ST8SIA4: variants seen among roughly 807,000 people sequenced by gnomAD.
ST8SIA4 encodes the protein ST8 alpha-N-acetyl-neuraminide alpha-2,8-sialyltransferase 4.
Under a neutral mutation model 33.9 loss-of-function variants are expected in ST8SIA4, and 15 were observed. The observed-to-expected ratio is 0.44, with a 90% CI of 0.30 to 0.68. The LOEUF is 0.68. Ranked by LOEUF, ST8SIA4 falls within the 30% of genes least tolerant of loss-of-function variation. The pLI, the probability that ST8SIA4 is intolerant of heterozygous loss-of-function variation, is 0.10. For missense variants in ST8SIA4, 321 were observed against 428.0 expected, an observed-to-expected ratio of 0.75 and a Z score of 2.21; for synonymous variants, 171 against 151.2, an observed-to-expected ratio of 1.13 and a Z score of -0.96.
rs965116324 is a variant in ST8SIA4 at position 100,810,804 on chromosome 5, A to G, written c.*1043T>C. 1 of 152,498 alleles carries G rather than the reference A, an allele frequency of 6.6e-6. No homozygotes were observed. Among genetic ancestry groups the G allele is most frequent in the Non-Finnish European group, 1.5e-5 (1 of 68,028 alleles). The allele number at this position is 152,498 out of a possible 1,614,324, so 9.4% of individuals were successfully genotyped here. A position where few individuals can be genotyped will look rare whatever the true frequency, so the allele number is the denominator to read the frequency against. On this transcript the variant is annotated 3_prime_UTR_variant, in exon 5 of 5. Transcript: ENST00000231461. ...TTCCTTTAGAATGGCCTAATATTAC[A>G]TAGTGGTTCACTTTAGCTGGTACCT...
intron 2 of ST8SIA4, among the ~76,000 whole-genome samples, chr5:100,887,611 A>G (rs1448440123): frequency 6.6e-6 from 1 of 152,032 alleles, no homozygotes; most frequent in East Asian, 1.9e-4. Flanking sequence ...ATGATGGAAA[A>G]TGATTATAAT....
In ST8SIA4 at chr5:100,856,075, G is replaced by C. The variant is rs772475393; in HGVS notation, c.797+28C>G. The C allele has an allele frequency of 4.4e-6, 7 of 1,607,120 alleles. No homozygotes were observed. The East Asian group carries it at 1.6e-4, about 36-fold the overall frequency. On this transcript the variant is annotated intron_variant, in intron 4 of 4. Coordinates refer to ENST00000231461, the MANE Select transcript of ST8SIA4 (RefSeq NM_005668.6). ...GTTATATGTGTTCCACTGTGCCAAG[G>C]ACAAACTGGTCCTTTCCAGTCACTT... is the stretch of plus-strand genomic sequence containing the variant.
At chr5:100,883,148 CTG>C (rs1477838705) in intron 3 of ST8SIA4, among the ~76,000 whole-genome samples, 9 of 152,214 alleles carry the variant, frequency 5.9e-5, no homozygotes, top group African/African-American at 2.2e-4. Flanking sequence ...GGATGGAAGA[CTG>C]TATCCTGCAA....
intron 4 of ST8SIA4, among the ~76,000 whole-genome samples, chr5:100,835,920 T>C (rs1751354341): frequency 6.6e-6 from 1 of 152,148 alleles, no homozygotes; most frequent in South Asian, 2.1e-4. Context: ...GAAATCAAGG[T>C]AAGGCATAAT....
At chr5:100,881,142 C>G (rs957089289) in intron 3 of ST8SIA4, among the ~76,000 whole-genome samples, 2 of 152,130 alleles carry the variant, frequency 1.3e-5, no homozygotes, top group African/African-American at 4.8e-5. Context: ...TGTAGATTTA[C>G]AGAAATGTGT....
intron 3 of ST8SIA4, among the ~76,000 whole-genome samples, chr5:100,873,190 T>C (rs926659044): frequency 2.0e-5 from 3 of 152,082 alleles, no homozygotes; most frequent in Admixed American, 1.3e-4. Context: ...GAAAAACATA[T>C]GCACCAAGAG....
chr5:100,881,433 T>TC (rs1752420338), intron 3 of ST8SIA4, among the ~76,000 whole-genome samples: 2 of 152,230 alleles, frequency 1.3e-5, no homozygotes, highest in African/African-American at 4.8e-5. Context: ...TTGTTAACTA[T>TC]GTCAACATTA....
intron 4 of ST8SIA4, among the ~76,000 whole-genome samples, chr5:100,836,856 C>T (rs865994673): frequency 2.0e-5 from 3 of 151,912 alleles, no homozygotes; most frequent in East Asian, 1.9e-4. Context: ...GCTACTGTTC[C>T]GTACTGACGT....
intron 3 of ST8SIA4, 164 bp downstream of exon 3, chr5:100,886,179 C>T: frequency 3.5e-6 from 5 of 1,417,956 alleles, no homozygotes; most frequent in Non-Finnish European, 4.6e-6. Context: ...TTATAATATT[C>T]TATTCCAGGG....
intron 3 of ST8SIA4, among the ~76,000 whole-genome samples, chr5:100,866,745 A>T (rs1207999470): frequency 6.6e-6 from 1 of 152,090 alleles, no homozygotes; most frequent in Non-Finnish European, 1.5e-5. Context: ...AACACAGAGG[A>T]TGGGTGACCA....
chr5:100,850,124 A>G (rs1320096796), intron 4 of ST8SIA4, among the ~76,000 whole-genome samples: 4 of 152,182 alleles, frequency 2.6e-5, no homozygotes, highest in Admixed American at 2.6e-4. Context: ...TTTGCACCAT[A>G]TTACTACACA....
Position 100,895,837 on chromosome 5 carries a change from A to G in ST8SIA4, c.114-52T>C, listed in dbSNP as rs773962488. On this transcript the variant is annotated intron_variant, in intron 1 of 4. Transcript: ENST00000231461. ...TGTGAAAGTAAGAAACATTTTGTGT[A>G]TACAGCACAGTACATAATTTGAATT... is the stretch of plus-strand genomic sequence containing the variant. 1.9e-6 allele frequency: 3 copies of G among 1,593,488 alleles called. No individual in the cohort carries two copies. In the Admixed American group the frequency reaches 5.1e-5, roughly 27 times the overall value.
At chr5:100,823,368 C>T (rs1278312945) in intron 4 of ST8SIA4, among the ~76,000 whole-genome samples, 1 of 152,214 alleles carries the variant, frequency 6.6e-6, no homozygotes, top group East Asian at 1.9e-4. Flanking sequence ...CAACCAGCAG[C>T]CCTTGGGGCT....
intron 3 of ST8SIA4, among the ~76,000 whole-genome samples, chr5:100,878,224 C>T (rs1358660214): frequency 6.6e-6 from 1 of 151,948 alleles, no homozygotes; most frequent in Non-Finnish European, 1.5e-5. Context: ...GTTGCCTAGG[C>T]TGGAGTGCAA....
intron 3 of ST8SIA4, among the ~76,000 whole-genome samples, chr5:100,865,705 C>T (rs1752047312): frequency 6.6e-6 from 1 of 152,110 alleles, no homozygotes; most frequent in Admixed American, 6.5e-5. Flanking sequence ...AAAATACAAG[C>T]ATCTCAGAGA....
At chr5:100,854,081 CAT>C (rs1346648667) in intron 4 of ST8SIA4, among the ~76,000 whole-genome samples, 6 of 151,454 alleles carry the variant, frequency 4.0e-5, no homozygotes, top group Admixed American at 2.6e-4. Context: ...CAAAAACAGA[CAT>C]GTTCTTAACA....
intron 1 of ST8SIA4, among the ~76,000 whole-genome samples, chr5:100,902,284 TAGA>T (rs1171297999): frequency 6.6e-6 from 1 of 152,028 alleles, no homozygotes; most frequent in Non-Finnish European, 1.5e-5. Flanking sequence ...GTTTTAGCCG[TAGA>T]AGAACAAATA....
chr5:100,832,184 T>C (rs190817977), intron 4 of ST8SIA4, among the ~76,000 whole-genome samples: 3 of 152,236 alleles, frequency 2.0e-5, no homozygotes, highest in Admixed American at 6.5e-5. Context: ...GTTCACACTT[T>C]AGGTTTTATT....
At chr5:100,880,474 G>T (rs1181683658) in intron 3 of ST8SIA4, among the ~76,000 whole-genome samples, 2 of 152,128 alleles carry the variant, frequency 1.3e-5, no homozygotes, top group Non-Finnish European at 2.9e-5. Flanking sequence ...GTGGGTAAGA[G>T]GGTTTCAGGG....
Sources: allele counts gnomAD v4.1 joint callset (sites outside exome capture counted in the v4.1 genomes callset), GRCh38; gene constraint gnomAD v4.1.1; transcripts MANE v1.5; gene names NCBI Gene and HGNC (gene_info 2026-07-23, HGNC 2026-07-21).